NT5DC3: variants seen among roughly 807,000 people sequenced by gnomAD.
NT5DC3 encodes the protein 5'-nucleotidase domain containing 3, also known as 5'-nucleotidase domain-containing protein 3.
A neutral mutation model predicts 67.8 loss-of-function variants in NT5DC3; 42 were observed. The observed-to-expected ratio is 0.62, with a 90% confidence interval of 0.48 to 0.80. The LOEUF (loss-of-function observed/expected upper bound fraction) is 0.80. Among genes scored for constraint, NT5DC3 ranks in the 30% least tolerant of loss-of-function variants. The probability of loss-of-function intolerance (pLI) is 0.00; values close to 1 mark genes in which losing one functional copy is unlikely to be tolerated. For synonymous variants in NT5DC3, 237 were observed against 255.6 expected, an observed-to-expected ratio of 0.93 and a Z score of 0.69; for missense variants, 570 against 696.4, an observed-to-expected ratio of 0.82 and a Z score of 2.04.
rs768347202 is a variant in NT5DC3, at chr12:103,793,147, G to A, written c.1019+17C>T. ...CAAAGGAATAAAATCTAGTCCCCTA[G>A]AAAAATAAACACTCACCTCCGCTTA... On this transcript the variant is annotated intron_variant, in intron 9 of 13. Coordinates refer to ENST00000392876, the MANE Select transcript of NT5DC3 (RefSeq NM_001031701.3). The A allele has an allele frequency of 3.8e-5, 59 of 1,547,226 alleles. No individual in the cohort carries two copies. In the Admixed American group the frequency reaches 9.9e-4, roughly 26 times the overall value.
intron 1 of NT5DC3, among the ~76,000 whole-genome samples, chr12:103,829,801 ATTTT>A (rs771654423): frequency 3.7e-4 from 55 of 149,730 alleles, no homozygotes; most frequent in Non-Finnish European, 4.6e-4. Flanking sequence ...GACCTTTGGG[ATTTT>A]TTTTCCTGAC....
At chr12:103,836,703 T>C (rs1888162247) in intron 1 of NT5DC3, among the ~76,000 whole-genome samples, 1 of 152,184 alleles carries the variant, frequency 6.6e-6, no homozygotes, top group Non-Finnish European at 1.5e-5. Context: ...GACGTGTGAA[T>C]GTTTATGCAT....
intron 2 of NT5DC3, among the ~76,000 whole-genome samples, chr12:103,810,795 G>A (rs996372834): frequency 6.6e-6 from 1 of 152,154 alleles, no homozygotes; most frequent in African/African-American, 2.4e-5. Context: ...ACAGTCCTGG[G>A]TAATTACAGG....
At chr12:103,768,784 T>C (rs1296222194), downstream of NT5DC3, 1 of 151,508 alleles carries the variant, frequency 6.6e-6, no homozygotes, top group Non-Finnish European at 1.5e-5. Flanking sequence ...GAGGATGAAG[T>C]ATCAACTGTA....
At chr12:103,759,072 TAA>T in the NT5DC3 span, 2 of 1,613,500 alleles carry the variant, frequency 1.2e-6, no homozygotes, top group Admixed American at 3.3e-5. Flanking sequence ...TCCCCATCAT[TAA>T]AAAGACAAAA....
At chr12:103,751,195 A>C in the NT5DC3 span, among the ~76,000 whole-genome samples, 2 of 152,134 alleles carry the variant, frequency 1.3e-5, no homozygotes, top group African/African-American at 4.8e-5. Flanking sequence ...GGTTTGTTTG[A>C]CAGATGTGGT....
chr12:103,801,755 T>A (rs1470456670), intron 4 of NT5DC3, among the ~76,000 whole-genome samples: 1 of 152,168 alleles, frequency 6.6e-6, no homozygotes, highest in Non-Finnish European at 1.5e-5. Flanking sequence ...TCAGACATCC[T>A]CCTGCCCTGT....
rs1885207258 is a variant in NT5DC3 at position 103,772,383 on chromosome 12, C to G, written c.*5446G>C. 1 of 152,486 alleles carries G rather than the reference C, an allele frequency of 6.6e-6. No homozygotes were observed. Among genetic ancestry groups the G allele is most frequent in the South Asian group, 2.1e-4 (1 of 4,830 alleles). 9.4% of individuals were successfully genotyped at this position (152,486 alleles called of 1,614,324 possible). On this transcript the variant is annotated 3_prime_UTR_variant, in exon 14 of 14. Transcript: ENST00000392876. ...TAAAATCAACATTTAAAATAAATAG[C>G]AAATTCACATCTAGAATAAATAGGT...
chr12:103,789,585 C>T (rs1481937999), intron 9 of NT5DC3, among the ~76,000 whole-genome samples: 4 of 152,162 alleles, frequency 2.6e-5, no homozygotes, highest in African/African-American at 7.2e-5. Flanking sequence ...ATTTACTTGA[C>T]CAGGCAGAAA....
chr12:103,803,253 T>C lies in NT5DC3; in HGVS notation c.524+3069A>G, dbSNP rs147191871. On this transcript the variant is annotated intron_variant, in intron 4 of 13. Coordinates refer to ENST00000392876, the MANE Select transcript of NT5DC3 (RefSeq NM_001031701.3). ...GGTTTAGAGAAAGAAAAACTAAAAATTGTAATATGTTAAATGTAGCAACAA... is the reference window on the plus strand; with the variant it reads ...GGTTTAGAGAAAGAAAAACTAAAAACTGTAATATGTTAAATGTAGCAACAA... Among the ~76,000 whole-genome samples the C allele has an allele frequency of 4.9e-3, 740 of 152,246 alleles. 2 individuals carry two copies. The highest frequency in any genetic ancestry group is 0.017 in the African/African-American group (714 of 41,532).
intron 2 of NT5DC3, among the ~76,000 whole-genome samples, chr12:103,812,523 TTCC>T (rs1887078499): frequency 1.1e-5 from 1 of 93,160 alleles, no homozygotes; most frequent in Non-Finnish European, 2.5e-5. Context: ...TTCATCTCTC[TTCC>T]CCTCAAATTT....
intron 4 of NT5DC3, among the ~76,000 whole-genome samples, chr12:103,800,185 C>T (rs1436828362): frequency 1.3e-5 from 2 of 152,010 alleles, no homozygotes; most frequent in African/African-American, 4.8e-5. Flanking sequence ...TCACTTCAAC[C>T]TCTTTCCTCC....
At chr12:103,796,389 C>T (rs576136352) in intron 6 of NT5DC3, among the ~76,000 whole-genome samples, 2 of 152,202 alleles carry the variant, frequency 1.3e-5, no homozygotes, top group Non-Finnish European at 2.9e-5. Context: ...TGGTGGCAGG[C>T]GCCTGTAATC....
At position 103,780,294 on chromosome 12, in the gene NT5DC3, T is replaced by C. The variant is rs1335298585; in HGVS notation, c.1394+6A>G. ...GACGCGCACATTCAATACAGGCCTC[T>C]CTTACCGCATCTCCTTCCTTTCCTT... On this transcript the variant is annotated splice_donor_region_variant and intron_variant, in intron 13 of 13. Coordinates refer to ENST00000392876, the MANE Select transcript of NT5DC3 (RefSeq NM_001031701.3). The C allele has an allele frequency of 6.2e-7, 1 of 1,613,144 alleles. No individual in the cohort carries two copies. Among genetic ancestry groups the C allele is most frequent in the Non-Finnish European group, 8.5e-7 (1 of 1,179,180 alleles).
At chr12:103,750,769 T>TG in the NT5DC3 span, 2 of 1,565,298 alleles carry the variant, frequency 1.3e-6, no homozygotes, top group Non-Finnish European at 1.7e-6. Context: ...TCTTCAGGCC[T>TG]GGGGAAGGGA....
At chr12:103,829,935 T>C (rs1887855717) in intron 1 of NT5DC3, among the ~76,000 whole-genome samples, 1 of 152,100 alleles carries the variant, frequency 6.6e-6, no homozygotes, top group African/African-American at 2.4e-5. Flanking sequence ...TTGAGCTAGA[T>C]ATACAATTCT....
At chr12:103,793,533 C>T (rs1313093138) in intron 7 of NT5DC3, 21 bp from the exon 8 acceptor site, 1 of 1,542,844 alleles carries the variant, frequency 6.5e-7, no homozygotes, top group South Asian at 1.1e-5. Context: ...GAGAAAAATT[C>T]ACACACAGAT....
At chr12:103,753,817 A>G in the NT5DC3 span, among the ~76,000 whole-genome samples, 1 of 152,172 alleles carries the variant, frequency 6.6e-6, no homozygotes, top group Non-Finnish European at 1.5e-5. Context: ...AATACCCACG[A>G]GCCTAGGGTG....
rs1885269416 is a variant in NT5DC3 at position 103,774,314 on chromosome 12, C to T, written c.*3515G>A. On this transcript the variant is annotated 3_prime_UTR_variant, in exon 14 of 14. Coordinates refer to ENST00000392876, the MANE Select transcript of NT5DC3 (RefSeq NM_001031701.3). ...AAATGGCTGAAAACAGATTCATTTC[C>T]CTTGTACCAATATGCATTCATCAAT... 1 of 152,222 alleles carries T rather than the reference C, an allele frequency of 6.6e-6. No homozygotes were observed. Among genetic ancestry groups the T allele is most frequent in the Non-Finnish European group, 1.5e-5 (1 of 68,046 alleles). The allele number at this position is 152,222 out of a possible 1,614,324, so 9.4% of individuals were successfully genotyped here.
Sources: gnomAD v4.1 joint callset for allele counts (sites outside exome capture counted in the v4.1 genomes callset) on GRCh38, gnomAD v4.1.1 for gene constraint, MANE v1.5 for transcripts, NCBI Gene and HGNC (gene_info 2026-07-23, HGNC 2026-07-21) for gene names.